The following ADGRL3 variants were observed in gnomAD, a reference collection of about 807,000 sequenced individuals.
The protein encoded by ADGRL3 is calcium-independent alpha-latrotoxin receptor 3.
ADGRL3 carries 62 observed loss-of-function variants against 153.5 expected under a neutral mutation model. The observed-to-expected ratio is 0.40, with a 90% CI of 0.33 to 0.50. The LOEUF (loss-of-function observed/expected upper bound fraction) is 0.50, where lower values mean the gene tolerates loss of function less well. ADGRL3 is among the 20% of genes least tolerant of loss of function. ADGRL3 has a pLI of 0.47. For missense variants in ADGRL3, 1,641 were observed against 1,859.4 expected, an observed-to-expected ratio of 0.88 and a Z score of 2.16; for synonymous variants, 710 against 672.5, an observed-to-expected ratio of 1.06 and a Z score of -0.86.
At chr4:61,511,318 G>A (rs777624850) in intron 3 of ADGRL3, among the ~76,000 whole-genome samples, 17 of 152,172 alleles carry the variant, frequency 1.1e-4, no homozygotes, top group African/African-American at 2.7e-4. Flanking sequence ...ACAGTGAGCC[G>A]AGATCACGTG....
At chr4:61,235,855 G>A (rs1752579621) in intron 1 of ADGRL3, among the ~76,000 whole-genome samples, 1 of 152,020 alleles carries the variant, frequency 6.6e-6, no homozygotes, top group African/African-American at 2.4e-5. Flanking sequence ...CTAATATCCT[G>A]GTCCCTGTGA....
At chr4:61,602,592 C>G (rs188354648) in intron 5 of ADGRL3, among the ~76,000 whole-genome samples, 1 of 151,976 alleles carries the variant, frequency 6.6e-6, no homozygotes, top group Non-Finnish European at 1.5e-5. Flanking sequence ...CGGTGCCCAC[C>G]CTTTGAGCTA....
chr4:61,808,131 G>A (rs916221386), intron 8 of ADGRL3, among the ~76,000 whole-genome samples: 27 of 152,064 alleles, frequency 1.8e-4, no homozygotes, highest in African/African-American at 3.4e-4. Flanking sequence ...GTTAGGTGCC[G>A]CTGCTGTGCT....
At chr4:61,958,540 A>G (rs944894596) in intron 17 of ADGRL3, among the ~76,000 whole-genome samples, 1 of 152,160 alleles carries the variant, frequency 6.6e-6, no homozygotes, top group African/African-American at 2.4e-5. Flanking sequence ...ATTGACTCAC[A>G]GTTTCACATG....
At chr4:61,726,210 G>GTTTTTTTTTTTTTTTTTT (rs149472429) in intron 6 of ADGRL3, among the ~76,000 whole-genome samples, 19 of 118,428 alleles carry the variant, frequency 1.6e-4, no homozygotes, top group East Asian at 5.1e-4. Flanking sequence ...TTTTTTTTTT[G>GTTTTTTTTTTTTTTTTTT]TTTTTTGAGA....
chr4:61,880,625 A>G (rs1278363132), intron 9 of ADGRL3, among the ~76,000 whole-genome samples: 7 of 152,240 alleles, frequency 4.6e-5, no homozygotes, highest in South Asian at 4.1e-4. Flanking sequence ...GTGGAATGCC[A>G]AATTTCCTTG....
At chr4:61,751,919 C>T (rs1334166257) in intron 8 of ADGRL3, among the ~76,000 whole-genome samples, 1 of 151,860 alleles carries the variant, frequency 6.6e-6, no homozygotes, top group Non-Finnish European at 1.5e-5. Context: ...AATAAATGAA[C>T]AAGTAATGGA....
intron 1 of ADGRL3, among the ~76,000 whole-genome samples, chr4:61,209,043 C>CT (rs1738624455): frequency 6.6e-6 from 1 of 152,020 alleles, no homozygotes; most frequent in Non-Finnish European, 1.5e-5. Context: ...TATTTAAGAA[C>CT]TTTAAGTTAT....
intron 2 of ADGRL3, among the ~76,000 whole-genome samples, chr4:61,425,824 C>G (rs1052070926): frequency 2.8e-4 from 42 of 152,346 alleles, no homozygotes; most frequent in African/African-American, 9.9e-4. Context: ...GCCCTCCCCC[C>G]TGGGGCTATG....
At chr4:61,675,378 C>T (rs1378437534) in intron 5 of ADGRL3, among the ~76,000 whole-genome samples, 1 of 151,790 alleles carries the variant, frequency 6.6e-6, no homozygotes, top group East Asian at 1.9e-4. Context: ...ATATTATAGA[C>T]TTAGTGCCAA....
chr4:61,573,768 A>G (rs2098848832), intron 4 of ADGRL3, among the ~76,000 whole-genome samples: 1 of 152,026 alleles, frequency 6.6e-6, no homozygotes, highest in East Asian at 1.9e-4. Flanking sequence ...TATTCAATAA[A>G]TAAGGCTACT....
chr4:61,889,836 T>A (rs2098560243), intron 9 of ADGRL3, among the ~76,000 whole-genome samples: 1 of 152,216 alleles, frequency 6.6e-6, no homozygotes, highest in Admixed American at 6.5e-5. Context: ...GCACTACGTG[T>A]GTAACTGTGT....
chr4:61,375,974 A>G (rs578174724), intron 1 of ADGRL3, among the ~76,000 whole-genome samples: 3 of 152,260 alleles, frequency 2.0e-5, no homozygotes, highest in East Asian at 3.9e-4. Flanking sequence ...AATATTTATT[A>G]ATAAAGTATA....
chr4:61,930,937 G>C (rs1041366505), intron 13 of ADGRL3, among the ~76,000 whole-genome samples: 9 of 152,126 alleles, frequency 5.9e-5, no homozygotes, highest in African/African-American at 2.2e-4. Flanking sequence ...AGATGTCATA[G>C]TGTGTGAATA....
intron 1 of ADGRL3, among the ~76,000 whole-genome samples, chr4:61,291,591 TATATATATATATACACACAC>T (rs1376686872): frequency 0.024 from 299 of 12,424 alleles, 4 homozygotes; most frequent in African/African-American, 0.047. Context: ...TACATATATA[TATATATATATATACACACAC>T]ATATATATAT....
chr4:61,247,791 C>T (rs574484261), intron 1 of ADGRL3, among the ~76,000 whole-genome samples: 1 of 151,894 alleles, frequency 6.6e-6, no homozygotes, highest in South Asian at 2.1e-4. Context: ...AAATGATACT[C>T]AAAGGTATCA....
chr4:62,062,463 C>A (rs1274497378), intron 25 of ADGRL3, among the ~76,000 whole-genome samples: 1 of 152,000 alleles, frequency 6.6e-6, no homozygotes, highest in Non-Finnish European at 1.5e-5. Context: ...TGAACATATA[C>A]CTGTCAGTTC....
intron 17 of ADGRL3, among the ~76,000 whole-genome samples, chr4:61,959,550 G>A (rs1231507844): frequency 2.0e-5 from 3 of 151,896 alleles, no homozygotes; most frequent in East Asian, 3.9e-4. Flanking sequence ...CTAAATGTAG[G>A]ATTGATTCAA....
intron 8 of ADGRL3, among the ~76,000 whole-genome samples, chr4:61,745,042 C>A (rs565989851): frequency 1.3e-5 from 2 of 152,124 alleles, no homozygotes; most frequent in Non-Finnish European, 1.5e-5. Context: ...AGCTGAGAAC[C>A]AAGACTCGAG....
Sources: allele counts gnomAD v4.1 joint callset (sites outside exome capture counted in the v4.1 genomes callset), GRCh38; gene constraint gnomAD v4.1.1; transcripts MANE v1.5; gene names NCBI Gene and HGNC (gene_info 2026-07-23, HGNC 2026-07-21).